Variants in PXDNL observed in about 807,000 individuals in gnomAD.
The protein encoded by PXDNL is probable oxidoreductase PXDNL.
A neutral mutation model predicts 150.8 loss-of-function variants in PXDNL; 145 were observed. The observed-to-expected ratio is 0.96, with a 90% confidence interval of 0.84 to 1.10. PXDNL has a LOEUF of 1.10. Ranked by LOEUF, PXDNL falls within the 50% of genes least tolerant of loss-of-function variation. The pLI is 0.00. For synonymous variants in PXDNL, 757 were observed against 725.7 expected (o/e 1.04, Z -0.69); for missense variants, 2,087 against 1,873.9 (o/e 1.11, Z -2.10).
At position 51,453,430 on chromosome 8, in the gene PXDNL, A is replaced by G. The variant is rs962943636; in HGVS notation, c.1249+89T>C. The G allele has an allele frequency of 1.4e-5, 17 of 1,253,840 alleles. No homozygotes were observed. The African/African-American group carries it at 2.2e-4, about 16-fold the overall frequency. 77.7% of individuals were successfully genotyped at this position (1,253,840 alleles called of 1,614,324 possible). A position where few individuals can be genotyped will look rare whatever the true frequency, so the allele number is the denominator to read the frequency against. ...AATTGGCAAATAAAAATATTTCTCC[A>G]CTGATGTACATGACATTATTTAAGT... On this transcript the variant is annotated intron_variant, in intron 10 of 22. Coordinates refer to ENST00000356297, the MANE Select transcript of PXDNL (RefSeq NM_144651.5).
chr8:51,486,712 C>T (rs1217420548), intron 5 of PXDNL, among the ~76,000 whole-genome samples: 2 of 124,894 alleles, frequency 1.6e-5, no homozygotes, highest in Non-Finnish European at 3.2e-5. Flanking sequence ...TTACTCCCAA[C>T]AAGAAGCTAA....
intron 2 of PXDNL, among the ~76,000 whole-genome samples, chr8:51,598,196 C>CT: frequency 6.6e-6 from 1 of 152,096 alleles, no homozygotes; most frequent in Non-Finnish European, 1.5e-5. Flanking sequence ...GGTAGTTTGA[C>CT]TTTTTTTCCT....
At chr8:51,520,033 A>AGT (rs1236231191) in intron 4 of PXDNL, among the ~76,000 whole-genome samples, 1 of 152,168 alleles carries the variant, frequency 6.6e-6, no homozygotes, top group African/African-American at 2.4e-5. Context: ...CTGGCGTCCA[A>AGT]GTGTGGACTG....
intron 2 of PXDNL, among the ~76,000 whole-genome samples, chr8:51,593,800 T>C (rs1010228939): frequency 3.9e-5 from 6 of 152,166 alleles, no homozygotes; most frequent in Admixed American, 1.3e-4. Flanking sequence ...GTCCTGGCCA[T>C]TGGGAGGCAG....
intron 4 of PXDNL, among the ~76,000 whole-genome samples, chr8:51,521,836 C>T (rs868693508): frequency 9.9e-5 from 15 of 152,144 alleles, no homozygotes; most frequent in Middle Eastern, 3.4e-3. Flanking sequence ...TCATTAGAAA[C>T]CATGCAAGCA....
rs566005236 is a variant in PXDNL, at chr8:51,593,387, CA to C, written c.237-690del. On this transcript the variant is annotated intron_variant, in intron 2 of 22. Transcript: ENST00000356297. ...TAGTAAAAACACTTAAAATTTCTTTCAAATTTAAATTATTATGGCATGTCTA... is the reference window on the plus strand; with the variant it reads ...TAGTAAAAACACTTAAAATTTCTTTCAATTTAAATTATTATGGCATGTCTA... Among the ~76,000 whole-genome samples the C allele has an allele frequency of 4.6e-5, 7 of 152,154 alleles. No homozygotes were observed. In the South Asian group the frequency reaches 1.5e-3, roughly 32 times the overall value.
intron 21 of PXDNL, 148 bp from the exon 22 acceptor site, chr8:51,321,045 T>C (rs1805299671): frequency 1.6e-6 from 1 of 626,048 alleles, no homozygotes; most frequent in African/African-American, 1.9e-5. Context: ...ATTTTTCATT[T>C]TCCCCCAGGA....
At chr8:51,730,835 C>A (rs1816902570) in intron 1 of PXDNL, among the ~76,000 whole-genome samples, 1 of 152,158 alleles carries the variant, frequency 6.6e-6, no homozygotes, top group Non-Finnish European at 1.5e-5. Context: ...ATATGCAGAA[C>A]TGCCCTTTAT....
At chr8:51,395,903 C>T (rs536374531) in intron 17 of PXDNL, among the ~76,000 whole-genome samples, 31 of 152,358 alleles carry the variant, frequency 2.0e-4, no homozygotes, top group Non-Finnish European at 7.3e-5. Flanking sequence ...GCCAGCAGAA[C>T]TCCACTGAGT....
At chr8:51,597,155 A>T (rs549543345) in intron 2 of PXDNL, among the ~76,000 whole-genome samples, 1 of 152,298 alleles carries the variant, frequency 6.6e-6, no homozygotes, top group Admixed American at 6.5e-5. Context: ...CATTTATTGA[A>T]TAGGGAGTTT....
At chr8:51,800,944 G>T (rs1412939072) in intron 1 of PXDNL, among the ~76,000 whole-genome samples, 1 of 152,100 alleles carries the variant, frequency 6.6e-6, no homozygotes, top group Non-Finnish European at 1.5e-5. Context: ...AGTGCACCTT[G>T]GAAACAAACA....
At position 51,377,143 on chromosome 8, in the gene PXDNL, C is replaced by CACACACACACAA. The variant is rs966278135; in HGVS notation, c.3558-2413_3558-2412insTTGTGTGTGTGT. On this transcript the variant is annotated intron_variant, in intron 17 of 22. Transcript: ENST00000356297. ...ACACACACACACACACACACACACA[C>CACACACACACAA]AAAGCCAAAGCCATTTCTGGACACT... Among the ~76,000 whole-genome samples, 979 of 149,310 alleles carry CACACACACACAA rather than the reference C, an allele frequency of 6.6e-3. 9 individuals carry two copies. Among genetic ancestry groups the CACACACACACAA allele is most frequent in the African/African-American group, 0.023 (895 of 39,204 alleles).
chr8:51,396,190 C>A (rs965112024), intron 17 of PXDNL, among the ~76,000 whole-genome samples: 1 of 152,204 alleles, frequency 6.6e-6, no homozygotes, highest in Non-Finnish European at 1.5e-5. Flanking sequence ...AATTTGACTG[C>A]AGATTCATGT....
intron 1 of PXDNL, among the ~76,000 whole-genome samples, chr8:51,753,251 CA>C (rs372297643): frequency 6.6e-6 from 1 of 151,394 alleles, no homozygotes; most frequent in Non-Finnish European, 1.5e-5. Context: ...CTATTTAAGA[CA>C]AAAAAAAGAG....
intron 1 of PXDNL, among the ~76,000 whole-genome samples, chr8:51,741,065 A>C (rs1213958661): frequency 6.6e-6 from 1 of 152,250 alleles, no homozygotes; most frequent in East Asian, 1.9e-4. Context: ...CGCTGGTAGA[A>C]TTTAACTGTA....
chr8:51,724,067 G>T (rs139309231), intron 1 of PXDNL, among the ~76,000 whole-genome samples: 5 of 149,966 alleles, frequency 3.3e-5, no homozygotes, highest in Admixed American at 6.7e-5. Context: ...CTTGGCTATC[G>T]CCGGACCAGG....
chr8:51,474,246 A>G (rs1378616063), intron 7 of PXDNL, among the ~76,000 whole-genome samples: 2 of 152,342 alleles, frequency 1.3e-5, no homozygotes, highest in African/African-American at 2.4e-5. Context: ...ACACATGCAC[A>G]CACACACACG....
intron 2 of PXDNL, among the ~76,000 whole-genome samples, chr8:51,605,936 C>T (rs80288291): frequency 0.024 from 3,688 of 152,248 alleles, 167 homozygotes; most frequent in African/African-American, 0.084. Flanking sequence ...TATCACATTA[C>T]GAGGCAGCAA....
At chr8:51,636,457 C>G (rs1477111975) in intron 2 of PXDNL, among the ~76,000 whole-genome samples, 5 of 152,098 alleles carry the variant, frequency 3.3e-5, no homozygotes, top group African/African-American at 1.2e-4. Flanking sequence ...TCAAAGATTT[C>G]AGAAAATAAC....
Sources: allele counts gnomAD v4.1 joint callset (sites outside exome capture counted in the v4.1 genomes callset), GRCh38; gene constraint gnomAD v4.1.1; transcripts MANE v1.5; gene names NCBI Gene and HGNC (gene_info 2026-07-23, HGNC 2026-07-21).